Variants in TGFBI observed in about 807,000 individuals in gnomAD.
TGFBI encodes transforming growth factor beta induced, also known as transforming growth factor-beta-induced protein ig-h3.
A neutral mutation model predicts 73.7 loss-of-function variants in TGFBI; 50 were observed. The ratio of observed to expected loss-of-function variants is 0.68; its 90% CI spans 0.54 to 0.86. The LOEUF (loss-of-function observed/expected upper bound fraction) is 0.86, where lower values mean the gene tolerates loss of function less well. TGFBI is among the 40% of genes least tolerant of loss of function. The probability of loss-of-function intolerance (pLI) is 0.00; values close to 1 mark genes in which losing one functional copy is unlikely to be tolerated. For missense variants in TGFBI, 839 were observed against 877.0 expected (o/e 0.96, Z 0.55); for synonymous variants, 362 against 360.5 (o/e 1.00, Z -0.05).
At chr5:136,041,520 C>A (rs186192068) in intron 2 of TGFBI, among the ~76,000 whole-genome samples, 1 of 152,182 alleles carries the variant, frequency 6.6e-6, no homozygotes, top group Non-Finnish European at 1.5e-5. Flanking sequence ...ATCCTCCAAA[C>A]GTGCATTTTC....
intron 8 of TGFBI, among the ~76,000 whole-genome samples, 176 bp from the exon 9 acceptor site, chr5:136,053,767 T>G (rs897736082): frequency 6.6e-6 from 1 of 152,234 alleles, no homozygotes; most frequent in Non-Finnish European, 1.5e-5. Context: ...ACTGGTTAGA[T>G]TTTCTAGGTG....
At chr5:136,050,923 C>T (rs576931924) in intron 7 of TGFBI, among the ~76,000 whole-genome samples, 2 of 152,276 alleles carry the variant, frequency 1.3e-5, no homozygotes, top group Non-Finnish European at 2.9e-5. Context: ...CAGCCTTTGC[C>T]TCCAAGAAAC....
rs1198280792 is a variant in TGFBI at position 136,046,833 on chromosome 5, C to G, written c.460-18C>G. 6.2e-7 allele frequency: 1 copy of G among 1,608,898 alleles called. No homozygotes were observed. Among genetic ancestry groups the G allele is most frequent in the Admixed American group, 1.7e-5 (1 of 59,782 alleles). On this transcript the variant is annotated intron_variant, in intron 4 of 16. Coordinates refer to ENST00000442011, the MANE Select transcript of TGFBI (RefSeq NM_000358.3). ...CAGAGTCTGCAGCCCCTAACTGACACCCTGTCCTTCCTCCTAGGAAGTGCT... is the reference window on the plus strand; with the variant it reads ...CAGAGTCTGCAGCCCCTAACTGACAGCCTGTCCTTCCTCCTAGGAAGTGCT...
chr5:136,054,278 G>T (rs2126913767), intron 9 of TGFBI, among the ~76,000 whole-genome samples, 198 bp downstream of exon 9: 1 of 152,334 alleles, frequency 6.6e-6, no homozygotes, highest in East Asian at 1.9e-4. Flanking sequence ...GAATGCCTTT[G>T]GGGAGCCGTT....
chr5:136,037,895 G>A (rs186983312), intron 2 of TGFBI, among the ~76,000 whole-genome samples: 2 of 152,294 alleles, frequency 1.3e-5, no homozygotes, highest in East Asian at 1.9e-4. Context: ...GACAGCTGAC[G>A]TGAAGGTGAA....
chr5:136,046,607 C>G (rs1004630504), intron 4 of TGFBI, 112 bp downstream of exon 4: 25 of 1,375,770 alleles, frequency 1.8e-5, no homozygotes, highest in Non-Finnish European at 2.2e-5. Context: ...TTTCAGGAAG[C>G]TTTCTCCTTA....
chr5:136,041,836 T>C (rs1236042496), intron 2 of TGFBI, among the ~76,000 whole-genome samples: 1 of 152,198 alleles, frequency 6.6e-6, no homozygotes, highest in African/African-American at 2.4e-5. Context: ...TTGTCCTCAA[T>C]GAGATCCTGG....
At position 136,046,204 on chromosome 5, in the gene TGFBI, C is replaced by A. The variant is rs1205470044; in HGVS notation, c.299-131C>A. On this transcript the variant is annotated intron_variant, in intron 3 of 16. Transcript: ENST00000442011. ...CTTAAGCCCCCCAGAAACAGCCTGT[C>A]TTTGGGCTTTCCCACATGCCTCCTC... 6.4e-6 allele frequency: 7 copies of A among 1,095,484 alleles called. No homozygotes were observed. The South Asian group carries it at 1.2e-4, about 18-fold the overall frequency. 67.9% of individuals were successfully genotyped at this position (1,095,484 alleles called of 1,614,324 possible). A position where few individuals can be genotyped will look rare whatever the true frequency, so the allele number is the denominator to read the frequency against.
chr5:136,060,734 A>T, intron 13 of TGFBI, 100 bp from the exon 14 acceptor site: 1 of 970,588 alleles, frequency 1.0e-6, no homozygotes, highest in Non-Finnish European at 1.5e-6. Context: ...AAGGAAAAAA[A>T]CGAAAACTGT....
Position 136,029,013 on chromosome 5 carries a change from GC to G in TGFBI, c.-40del. 6.6e-7 allele frequency: 1 copy of G among 1,509,504 alleles called. No individual in the cohort carries two copies. The highest frequency in any genetic ancestry group is 1.2e-5 in the South Asian group (1 of 81,466). The allele number at this position is 1,509,504 out of a possible 1,614,324, so 93.5% of individuals were successfully genotyped here. ...CTCACTTCCCTGGAGCCGCCCGCTT[GC>G]CCGTCGGTCGCTAGCTCGCTCGGTG... On this transcript the variant is annotated 5_prime_UTR_variant, in exon 1 of 17. Transcript: ENST00000442011.
At chr5:136,060,124 C>T (rs567971466) in intron 13 of TGFBI, among the ~76,000 whole-genome samples, 1 of 104,314 alleles carries the variant, frequency 9.6e-6, no homozygotes, top group Admixed American at 8.7e-5. Context: ...AGCAGGAAGC[C>T]TGTCTTCCAT....
chr5:136,055,712 C>T lies in TGFBI; in HGVS notation c.1443C>T (p.Ala481=), dbSNP rs756618938. 6.2e-6 allele frequency: 10 copies of T among 1,609,948 alleles called. No homozygotes were observed. The highest frequency in any genetic ancestry group is 7.6e-6 in the Non-Finnish European group (9 of 1,176,940). ...SLCIENSCIA[A]HDKRGRYGTL... is the part of the protein sequence containing the mutation. ...GCATTGAGAACAGCTGCATCGCGGC[C>T]CACGACAAGAGGGGGAGGTACGGGA... Residue 481 remains alanine, a synonymous_variant, in exon 11 of 17, where the codon GCC becomes GCT. Transcript: ENST00000442011.
At chr5:136,031,401 A>G (rs1751117838) in intron 1 of TGFBI, among the ~76,000 whole-genome samples, 1 of 152,242 alleles carries the variant, frequency 6.6e-6, no homozygotes, top group African/African-American at 2.4e-5. Flanking sequence ...GCCTGATATG[A>G]AGGAAGAAAT....
At chr5:136,062,720 A>T (rs935507381) in intron 16 of TGFBI, 33 bp downstream of exon 16, 1 of 1,559,648 alleles carries the variant, frequency 6.4e-7, no homozygotes, top group Non-Finnish European at 8.7e-7. Flanking sequence ...GTCATTGCAG[A>T]CCTGTTTAGG....
chr5:136,055,751 G>A lies in TGFBI; in HGVS notation c.1482G>A (p.Met494Ile). ...GGAGGTACGGGACCCTGTTCACGATGGACCGGGTGCTGACCCCCCCAATGG... is the reference window on the plus strand; with the variant it reads ...GGAGGTACGGGACCCTGTTCACGATAGACCGGGTGCTGACCCCCCCAATGG... ...KRGRYGTLFT[M>I]DRVLTPPMGT... The change falls in exon 11 of 17, where the codon ATG (methionine) becomes ATA (isoleucine). Residue 494 changes from methionine (M) to isoleucine (I), a missense_variant. Coordinates refer to ENST00000442011, the MANE Select transcript of TGFBI (RefSeq NM_000358.3). The A allele has an allele frequency of 1.9e-6, 3 of 1,612,954 alleles. No homozygotes were observed. The highest frequency in any genetic ancestry group is 2.5e-6 in the Non-Finnish European group (3 of 1,179,204).
chr5:136,056,852 C>T, intron 12 of TGFBI, 57 bp downstream of exon 12: 1 of 1,541,464 alleles, frequency 6.5e-7, no homozygotes, highest in Non-Finnish European at 8.8e-7. Context: ...TCCCTCAGGG[C>T]CCCAGCAGCA....
intron 14 of TGFBI, 68 bp from the exon 15 acceptor site, chr5:136,061,432 C>A: frequency 8.5e-7 from 1 of 1,183,186 alleles, no homozygotes; most frequent in Non-Finnish European, 1.2e-6. Flanking sequence ...GCCCCTCAGT[C>A]ACGGTTGTTA....
At chr5:136,049,218 G>A in intron 6 of TGFBI, 2 of 527,326 alleles carry the variant, frequency 3.8e-6, no homozygotes, top group East Asian at 3.0e-5. Context: ...AGGAAAGGCA[G>A]GTTAAGGACA....
intron 7 of TGFBI, among the ~76,000 whole-genome samples, chr5:136,052,072 G>C (rs554811239): frequency 2.7e-5 from 4 of 146,920 alleles, no homozygotes; most frequent in East Asian, 4.0e-4. Flanking sequence ...CCTGGGGTTG[G>C]GGGGGGCTCC....
Sources: gnomAD v4.1 joint callset for allele counts (sites outside exome capture counted in the v4.1 genomes callset) on GRCh38, gnomAD v4.1.1 for gene constraint, MANE v1.5 for transcripts, NCBI Gene and HGNC (gene_info 2026-07-23, HGNC 2026-07-21) for gene names.